Variants in FAM185A observed in about 807,000 individuals in gnomAD.
The protein encoded by FAM185A is family with sequence similarity 185 member A.
A neutral mutation model predicts 45.7 loss-of-function variants in FAM185A; 21 were observed. The observed-to-expected ratio is 0.46, with a 90% CI of 0.33 to 0.66. The LOEUF is 0.66. Ranked by LOEUF, FAM185A falls within the 30% of genes least tolerant of loss-of-function variation. The probability of loss-of-function intolerance (pLI) is 0.03; values close to 1 mark genes in which losing one functional copy is unlikely to be tolerated. For missense variants in FAM185A, 305 were observed against 485.4 expected, an observed-to-expected ratio of 0.63 and a Z score of 3.49; for synonymous variants, 117 against 194.0, an observed-to-expected ratio of 0.60 and a Z score of 3.30.
intron 3 of FAM185A, among the ~76,000 whole-genome samples, chr7:102,758,923 T>A (rs1373338400): frequency 1.3e-5 from 2 of 152,076 alleles, no homozygotes; most frequent in Admixed American, 6.5e-5. Flanking sequence ...ATTGTTGGCA[T>A]AATTAAACAA....
At chr7:102,834,386 A>G in the FAM185A span, among the ~76,000 whole-genome samples, 3 of 147,198 alleles carry the variant, frequency 2.0e-5, no homozygotes, top group Non-Finnish European at 4.5e-5. Context: ...TAAATTATAT[A>G]TATATATATT....
chr7:102,824,785 C>CTTTT, the FAM185A span, among the ~76,000 whole-genome samples: 1 of 124,070 alleles, frequency 8.1e-6, no homozygotes, highest in Non-Finnish European at 1.7e-5. Flanking sequence ...CATGCCCGGC[C>CTTTT]TTTTTTTTTT....
chr7:102,797,640 G>A (rs1397079758), intron 7 of FAM185A, among the ~76,000 whole-genome samples: 1 of 152,002 alleles, frequency 6.6e-6, no homozygotes, highest in Non-Finnish European at 1.5e-5. Context: ...TTCCTAGTGA[G>A]TTGGTAAGCT....
At chr7:102,819,459 C>T in the FAM185A span, among the ~76,000 whole-genome samples, 2 of 152,130 alleles carry the variant, frequency 1.3e-5, no homozygotes, top group Admixed American at 6.5e-5. Flanking sequence ...AAGTTTGCTA[C>T]TCCTCTGGTT....
At chr7:102,840,848 G>A in the FAM185A span, among the ~76,000 whole-genome samples, 1 of 152,140 alleles carries the variant, frequency 6.6e-6, no homozygotes, top group Non-Finnish European at 1.5e-5. Context: ...TATCTCATAG[G>A]CCTATTAGAA....
chr7:102,812,599 T>C (rs1020928844), downstream of FAM185A, among the ~76,000 whole-genome samples: 27 of 152,204 alleles, frequency 1.8e-4, no homozygotes, highest in Non-Finnish European at 1.2e-4. Flanking sequence ...GTATTCTTTA[T>C]AAAGCCTTAA....
intron 6 of FAM185A, among the ~76,000 whole-genome samples, chr7:102,784,056 C>T (rs1795605247): frequency 1.3e-5 from 2 of 152,212 alleles, no homozygotes; most frequent in East Asian, 1.9e-4. Context: ...CTATAAACAC[C>T]TCTACGGAAA....
Position 102,749,387 on chromosome 7 carries a change from G to A in FAM185A, c.180G>A (p.Gly60=). ...SETEVPPPGP[G]RRTLKEWTLQ... ...CTGAGGTCCCTCCGCCTGGCCCGGG[G>A]CGCCGAACTCTGAAGGAGTGGACAC... The change falls in exon 1 of 8, where the codon GGG becomes GGA. Residue 60 remains glycine, a synonymous_variant. Transcript: ENST00000413034. The A allele has an allele frequency of 1.3e-6, 2 of 1,548,376 alleles. No homozygotes were observed. Among genetic ancestry groups the A allele is most frequent in the Non-Finnish European group, 1.7e-6 (2 of 1,146,600 alleles).
At chr7:102,822,204 C>G in the FAM185A span, 1 of 1,613,962 alleles carries the variant, frequency 6.2e-7, no homozygotes, top group East Asian at 2.2e-5. Flanking sequence ...AGTCAGTAAT[C>G]TGAACACAGA....
chr7:102,751,427 G>A (rs1293796850), intron 1 of FAM185A, among the ~76,000 whole-genome samples: 3 of 151,862 alleles, frequency 2.0e-5, no homozygotes, highest in African/African-American at 4.8e-5. Flanking sequence ...TAACAGAATC[G>A]TAGTCTCCTT....
chr7:102,815,110 C>T, the FAM185A span, among the ~76,000 whole-genome samples: 1 of 152,110 alleles, frequency 6.6e-6, no homozygotes, highest in African/African-American at 2.4e-5. Flanking sequence ...AGCAAGGCTC[C>T]ATCATTACCC....
At chr7:102,827,740 T>C in the FAM185A span, among the ~76,000 whole-genome samples, 3 of 152,128 alleles carry the variant, frequency 2.0e-5, no homozygotes, top group Non-Finnish European at 4.4e-5. Flanking sequence ...TGTGTTCTCA[T>C]TGTTCAATTC....
At chr7:102,800,481 A>C (rs1206880444) in intron 7 of FAM185A, among the ~76,000 whole-genome samples, 3 of 152,214 alleles carry the variant, frequency 2.0e-5, no homozygotes, top group African/African-American at 4.8e-5. Flanking sequence ...GCCCAATATA[A>C]CGAAATCCAA....
intron 7 of FAM185A, among the ~76,000 whole-genome samples, chr7:102,800,902 G>A (rs938342507): frequency 1.3e-5 from 2 of 152,114 alleles, no homozygotes; most frequent in South Asian, 2.1e-4. Flanking sequence ...GAAATGCATC[G>A]CAAAAAGATC....
chr7:102,755,696 G>C (rs1793676184), intron 2 of FAM185A: 1 of 571,840 alleles, frequency 1.7e-6, no homozygotes, highest in Admixed American at 2.5e-5. Context: ...TTATCAAGGG[G>C]AAGGCAAGAC....
the FAM185A span, among the ~76,000 whole-genome samples, chr7:102,818,261 G>A: frequency 6.6e-6 from 1 of 152,190 alleles, no homozygotes; most frequent in Non-Finnish European, 1.5e-5. Context: ...CTTTTTAAAA[G>A]CTTGAGAATG....
At chr7:102,833,242 C>T in the FAM185A span, among the ~76,000 whole-genome samples, 2 of 152,108 alleles carry the variant, frequency 1.3e-5, no homozygotes, top group Admixed American at 6.6e-5. Flanking sequence ...TGAAGTTTGA[C>T]TCATATGGTC....
In FAM185A at chr7:102,749,378, T is replaced by C; in HGVS notation, c.171T>C (p.Pro57=). ...WPGSETEVPP[P]GPGRRTLKEW... ...GATCGGAGACTGAGGTCCCTCCGCC[T>C]GGCCCGGGGCGCCGAACTCTGAAGG... The change falls in exon 1 of 8, where the codon CCT becomes CCC. Residue 57 remains proline (P), a synonymous_variant. Coordinates refer to ENST00000413034, the MANE Select transcript of FAM185A (RefSeq NM_001145268.2). 2 of 1,548,524 alleles carry C rather than the reference T, an allele frequency of 1.3e-6. No individual in the cohort carries two copies.
intron 7 of FAM185A, among the ~76,000 whole-genome samples, chr7:102,801,396 T>G (rs1199744653): frequency 6.6e-6 from 1 of 152,094 alleles, no homozygotes; most frequent in African/African-American, 2.4e-5. Flanking sequence ...ATCTCAATAC[T>G]AACATCGAAT....
Sources: allele counts gnomAD v4.1 joint callset (sites outside exome capture counted in the v4.1 genomes callset), GRCh38; gene constraint gnomAD v4.1.1; transcripts MANE v1.5; gene names NCBI Gene and HGNC (gene_info 2026-07-23, HGNC 2026-07-21).